ERCC6L2: variants seen among roughly 807,000 people sequenced by gnomAD.
ERCC6L2 encodes DNA excision repair protein ERCC-6-like 2.
A neutral mutation model predicts 132.0 loss-of-function variants in ERCC6L2; 77 were observed. The observed-to-expected ratio is 0.58, with a 90% confidence interval of 0.49 to 0.71. The LOEUF (loss-of-function observed/expected upper bound fraction) is 0.71. Ranked by LOEUF, ERCC6L2 falls within the 30% of genes least tolerant of loss-of-function variation. ERCC6L2 has a pLI of 0.00. For missense variants in ERCC6L2, 1,542 were observed against 1,837.6 expected (o/e 0.84, Z 2.94); for synonymous variants, 583 against 632.4 (o/e 0.92, Z 1.17).
intron 4 of ERCC6L2, among the ~76,000 whole-genome samples, chr9:95,912,114 C>A (rs939032740): frequency 7.9e-5 from 12 of 152,138 alleles, no homozygotes; most frequent in African/African-American, 2.9e-4. Flanking sequence ...GCATCTGGAG[C>A]CACCAATTCT....
At chr9:95,991,255 A>T (rs543623137) in intron 17 of ERCC6L2, among the ~76,000 whole-genome samples, 1 of 152,138 alleles carries the variant, frequency 6.6e-6, no homozygotes, top group African/African-American at 2.4e-5. Context: ...CAGCTCTTCT[A>T]TATCACTAGT....
intron 18 of ERCC6L2, among the ~76,000 whole-genome samples, chr9:96,011,726 T>C (rs540321113): frequency 6.6e-6 from 1 of 152,326 alleles, no homozygotes; most frequent in Admixed American, 6.5e-5. Context: ...CAAAAAGTCT[T>C]GTGCGATTTC....
chr9:96,033,383 G>A (rs960594385), intron 19 of ERCC6L2, among the ~76,000 whole-genome samples: 7 of 152,022 alleles, frequency 4.6e-5, no homozygotes, highest in African/African-American at 1.7e-4. Flanking sequence ...TAGCTGAGAT[G>A]ACAGGCACGC....
At chr9:96,021,636 C>T (rs1834291829), downstream of ERCC6L2, 1 of 154,988 alleles carries the variant, frequency 6.5e-6, no homozygotes, top group African/African-American at 2.4e-5. This position sits in a 1 kb window ranked among gnomAD's most constrained non-coding sequence, Gnocchi z 4.7. Flanking sequence ...GAGGCCTCCG[C>T]AGGCCGCCGG....
rs1588001830 is a variant in ERCC6L2, at chr9:95,972,019, C to G, written c.2268C>G (p.Asp756Glu). 7.7e-7 allele frequency: 1 copy of G among 1,304,084 alleles called. No individual in the cohort carries two copies. Among genetic ancestry groups the G allele is most frequent in the Non-Finnish European group, 1.0e-6 (1 of 988,942 alleles). 80.8% of individuals were successfully genotyped at this position (1,304,084 alleles called of 1,614,324 possible). A position where few individuals can be genotyped will look rare whatever the true frequency, so the allele number is the denominator to read the frequency against. Residue 756 changes from aspartate to glutamate, a missense_variant, in exon 16 of 19, where the codon GAC (aspartate) becomes GAG (glutamate). This residue lies in a region of ERCC6L2 where 945 missense variants were observed against 1,105.2 expected (regional missense o/e 0.86). Coordinates refer to ENST00000653738, the MANE Select transcript of ERCC6L2 (RefSeq NM_020207.7). Reference protein sequence around the residue: ...LAKEACDLCSDFSDEEPVGAT... With the variant: ...LAKEACDLCSEFSDEEPVGAT... ...AGGAAGCATGTGATCTCTGCAGTGA[C>G]TTCAGTGATGAAGAGCCAGTGGGAG...
chr9:95,885,578 T>C (rs1469011937), intron 2 of ERCC6L2, among the ~76,000 whole-genome samples: 2 of 152,142 alleles, frequency 1.3e-5, no homozygotes, highest in African/African-American at 4.8e-5. Context: ...GAATCCCTTT[T>C]GTACATTTAC....
intron 13 of ERCC6L2, among the ~76,000 whole-genome samples, chr9:95,965,811 C>G (rs1230149577): frequency 6.6e-6 from 1 of 152,140 alleles, no homozygotes; most frequent in Non-Finnish European, 1.5e-5. Flanking sequence ...GCACCCGGCC[C>G]TTAAGCATCA....
At chr9:95,928,669 A>G in intron 10 of ERCC6L2, 50 bp from the exon 11 acceptor site, 2 of 1,521,256 alleles carry the variant, frequency 1.3e-6, no homozygotes, top group Middle Eastern at 1.8e-4. Flanking sequence ...ATGGTCTGAA[A>G]CTTACTTAAC....
At chr9:95,933,405 A>G (rs1355839304) in intron 11 of ERCC6L2, among the ~76,000 whole-genome samples, 1 of 152,158 alleles carries the variant, frequency 6.6e-6, no homozygotes, top group Admixed American at 6.5e-5. Context: ...CAAAGGAGAA[A>G]ATTCAGTTTC....
intron 18 of ERCC6L2, among the ~76,000 whole-genome samples, chr9:96,005,914 G>A (rs1246416182): frequency 1.3e-5 from 2 of 152,188 alleles, no homozygotes; most frequent in African/African-American, 4.8e-5. Flanking sequence ...ATTCAATTTG[G>A]TGATGGACTG....
chr9:95,932,307 A>G (rs564046741), intron 11 of ERCC6L2, among the ~76,000 whole-genome samples: 1 of 152,114 alleles, frequency 6.6e-6, no homozygotes, highest in South Asian at 2.1e-4. Flanking sequence ...CTCGTGATCT[A>G]CCTGCCTCGC....
At chr9:95,943,550 T>G (rs1418326140) in intron 12 of ERCC6L2, among the ~76,000 whole-genome samples, 3 of 152,100 alleles carry the variant, frequency 2.0e-5, no homozygotes, top group African/African-American at 7.2e-5. Context: ...AAGGACACTA[T>G]CAACAGAGAA....
rs761223800 is a variant in ERCC6L2, at chr9:95,921,174, G to C, written c.1159-1G>C. ...AACTACCTTGTATTTTATCTTGGCA[G>C]ATGGTGTATTGTTCTTTGACAGATT... On this transcript the variant is annotated splice_acceptor_variant, in intron 6 of 18. Coordinates refer to ENST00000653738, the MANE Select transcript of ERCC6L2 (RefSeq NM_020207.7). LOFTEE classifies it high-confidence loss of function. 1 of 1,604,440 alleles carries C rather than the reference G, an allele frequency of 6.2e-7. No homozygotes were observed. The highest frequency in any genetic ancestry group is 8.5e-7 in the Non-Finnish European group (1 of 1,176,380).
chr9:95,957,613 C>A (rs1831672762), intron 13 of ERCC6L2, among the ~76,000 whole-genome samples: 2 of 151,800 alleles, frequency 1.3e-5, no homozygotes, highest in African/African-American at 2.4e-5. Context: ...TTCCTTTTTA[C>A]CTATTCATGC....
At chr9:95,928,618 T>A in intron 10 of ERCC6L2, 101 bp from the exon 11 acceptor site, 1 of 1,047,346 alleles carries the variant, frequency 9.5e-7, no homozygotes, top group Non-Finnish European at 1.3e-6. Context: ...AAAGAAATTA[T>A]GAACACCAAT....
Position 95,928,877 on chromosome 9 carries a change from A to C in ERCC6L2, c.1751+13A>C, listed in dbSNP as rs1830217436. 2.0e-6 allele frequency: 3 copies of C among 1,523,726 alleles called. No individual in the cohort carries two copies. The African/African-American group carries it at 4.2e-5, about 22-fold the overall frequency. 94.4% of individuals were successfully genotyped at this position (1,523,726 alleles called of 1,614,324 possible). A position where few individuals can be genotyped will look rare whatever the true frequency, so the allele number is the denominator to read the frequency against. On this transcript the variant is annotated intron_variant, in intron 11 of 18. Transcript: ENST00000653738. ...TTGTCTCTACAATGTAAGAAAATTA[A>C]ATTTAATAACTAGATTTTTATCCAA...
At chr9:95,969,021 G>C (rs1002859731) in intron 14 of ERCC6L2, among the ~76,000 whole-genome samples, 3 of 152,172 alleles carry the variant, frequency 2.0e-5, no homozygotes, top group African/African-American at 7.2e-5. Flanking sequence ...TCTGAAGGCT[G>C]CATTTGAGTA....
chr9:95,956,525 C>T (rs924981788), intron 13 of ERCC6L2, among the ~76,000 whole-genome samples: 5 of 152,102 alleles, frequency 3.3e-5, no homozygotes, highest in African/African-American at 1.2e-4. Flanking sequence ...AAAGAACTGC[C>T]CAAGACTGGG....
At chr9:95,897,790 GA>G in intron 2 of ERCC6L2, 58 bp from the exon 3 acceptor site, 1 of 1,572,110 alleles carries the variant, frequency 6.4e-7, no homozygotes, top group Non-Finnish European at 8.7e-7. Flanking sequence ...TGTAAGCAGT[GA>G]AATTTTGTAC....
Sources: allele counts gnomAD v4.1 joint callset (sites outside exome capture counted in the v4.1 genomes callset), GRCh38; gene constraint gnomAD v4.1.1; regional missense constraint gnomAD v4.1.1; non-coding constraint Gnocchi (gnomAD v3.1); transcripts MANE v1.5; gene names NCBI Gene and HGNC (gene_info 2026-07-23, HGNC 2026-07-21).